Variants in CTIF observed in about 807,000 individuals in gnomAD.
The protein encoded by CTIF is cap binding complex dependent translation initiation factor.
Under a neutral mutation model 66.0 loss-of-function variants are expected in CTIF, and 21 were observed. That is an observed-to-expected ratio of 0.32 (90% CI 0.23 to 0.46). The LOEUF (loss-of-function observed/expected upper bound fraction) is 0.46. CTIF is among the 20% of genes least tolerant of loss of function. The pLI, the probability that CTIF is intolerant of heterozygous loss-of-function variation, is 1.00. For missense variants in CTIF, 739 were observed against 812.7 expected (o/e 0.91, Z 1.10); for synonymous variants, 345 against 326.4 (o/e 1.06, Z -0.62).
In CTIF at chr18:48,860,705, T is replaced by A. The variant is rs1311329540; in HGVS notation, c.*1146T>A. The A allele has an allele frequency of 6.6e-6, 1 of 152,270 alleles. No homozygotes were observed. Among genetic ancestry groups the A allele is most frequent in the African/African-American group, 2.4e-5 (1 of 41,450 alleles). The allele number at this position is 152,270 out of a possible 1,614,324, so 9.4% of individuals were successfully genotyped here. On this transcript the variant is annotated 3_prime_UTR_variant, in exon 12 of 12. Transcript: ENST00000256413. ...GGGCTCCCCAGGACTCGATTTTAGC[T>A]AATGCGCTGTGTCACTGCCCCAGCT...
chr18:48,575,058 C>T (rs955760395), intron 1 of CTIF, among the ~76,000 whole-genome samples: 2 of 152,198 alleles, frequency 1.3e-5, no homozygotes, highest in Non-Finnish European at 2.9e-5. Flanking sequence ...CAGTTCCAGA[C>T]ACAGGGAGCC....
In CTIF at chr18:48,603,435, G is replaced by C. The variant is rs199960387; in HGVS notation, c.-28-16103G>C. ...GATTGATGGATGGATGGCTAGATGG[G>C]TGGATGAATGGATGGATAGGTGAGT... On this transcript the variant is annotated intron_variant, in intron 1 of 11. Transcript: ENST00000256413. 7.3e-5 allele frequency among the ~76,000 whole-genome samples: 9 copies of C among 122,704 alleles called. No individual in the cohort carries two copies. In the East Asian group the frequency reaches 2.2e-3, roughly 30 times the overall value. The allele number at this position is 122,704 out of a possible 152,430, so 80.5% of individuals were successfully genotyped here.
chr18:48,730,460 C>CACGGTGTGTGGG (rs1568171554), intron 7 of CTIF, among the ~76,000 whole-genome samples: 2 of 100,444 alleles, frequency 2.0e-5, no homozygotes, highest in Non-Finnish European at 4.3e-5. Flanking sequence ...GAGGGGCTTC[C>CACGGTGTGTGGG]GCGGTGTGAG....
chr18:48,593,449 C>T (rs1205716138), intron 1 of CTIF, among the ~76,000 whole-genome samples: 4 of 150,616 alleles, frequency 2.7e-5, no homozygotes, highest in South Asian at 2.1e-4. Flanking sequence ...GGCGCGATCT[C>T]GGCTCACTGC....
intron 3 of CTIF, among the ~76,000 whole-genome samples, chr18:48,647,115 T>C (rs937315465): frequency 2.0e-5 from 3 of 152,186 alleles, no homozygotes; most frequent in Non-Finnish European, 4.4e-5. Flanking sequence ...CACTCAGCAA[T>C]GAGAAGGAAT....
chr18:48,776,488 C>T (rs1343188462), intron 9 of CTIF, among the ~76,000 whole-genome samples: 1 of 152,264 alleles, frequency 6.6e-6, no homozygotes, highest in East Asian at 1.9e-4. Context: ...GCAGAAGCCC[C>T]TTTTCCTCCC....
chr18:48,607,755 T>A (rs1350266245), intron 1 of CTIF, among the ~76,000 whole-genome samples: 1 of 152,186 alleles, frequency 6.6e-6, no homozygotes, highest in Non-Finnish European at 1.5e-5. Context: ...CTTGAGACAC[T>A]GAGCAGGAGC....
intron 1 of CTIF, among the ~76,000 whole-genome samples, chr18:48,557,341 T>G (rs2089047090): frequency 6.6e-6 from 1 of 152,120 alleles, no homozygotes; most frequent in African/African-American, 2.4e-5. Context: ...GCCAGAGCTT[T>G]TGGATGAGGG....
chr18:48,772,857 G>A (rs1415987821), intron 9 of CTIF, among the ~76,000 whole-genome samples: 1 of 152,212 alleles, frequency 6.6e-6, no homozygotes, highest in Non-Finnish European at 1.5e-5. Flanking sequence ...ACCTAGAAGT[G>A]GAATTGCTGG....
At chr18:48,710,832 C>T (rs1395974436) in intron 6 of CTIF, among the ~76,000 whole-genome samples, 3 of 152,042 alleles carry the variant, frequency 2.0e-5, no homozygotes, top group Non-Finnish European at 2.9e-5. Context: ...ACAAGCCAGG[C>T]GTGGTGATGT....
At chr18:48,641,538 C>T (rs1421855331) in intron 3 of CTIF, among the ~76,000 whole-genome samples, 1 of 152,184 alleles carries the variant, frequency 6.6e-6, no homozygotes, top group East Asian at 1.9e-4. Context: ...TCCCAACATT[C>T]CCTGGAATAA....
At chr18:48,763,275 G>A (rs967434741) in intron 9 of CTIF, among the ~76,000 whole-genome samples, 1 of 152,234 alleles carries the variant, frequency 6.6e-6, no homozygotes, top group African/African-American at 2.4e-5. Flanking sequence ...TGGCAGACAG[G>A]CACCCAGGGC....
intron 7 of CTIF, among the ~76,000 whole-genome samples, chr18:48,726,298 G>A (rs1312603882): frequency 6.6e-6 from 1 of 152,130 alleles, no homozygotes; most frequent in Non-Finnish European, 1.5e-5. Context: ...GTTTGTATTG[G>A]GGTTATCTAT....
Position 48,846,525 on chromosome 18 carries a change from G to A in CTIF, c.1528-11063G>A, listed in dbSNP as rs138390173. On this transcript the variant is annotated intron_variant, in intron 10 of 11. Transcript: ENST00000256413. The stretch of plus-strand genomic sequence containing the variant: ...TGGATGGATGGATGGATGGATGGAT[G>A]GATGGATGGATGGATAGGTGAATAG... Among the ~76,000 whole-genome samples, 376 of 150,796 alleles carry A rather than the reference G, an allele frequency of 2.5e-3. 3 individuals carry two copies. Among genetic ancestry groups the A allele is most frequent in the African/African-American group, 8.4e-3 (342 of 40,742 alleles).
At chr18:48,664,695 G>A in intron 5 of CTIF, 144 bp downstream of exon 5, 2 of 660,092 alleles carry the variant, frequency 3.0e-6, no homozygotes, top group South Asian at 3.7e-5. Context: ...TCCCAGAGCT[G>A]CAGGCTCACT....
intron 1 of CTIF, among the ~76,000 whole-genome samples, chr18:48,601,914 C>G (rs906482722): frequency 2.6e-5 from 4 of 152,204 alleles, no homozygotes; most frequent in African/African-American, 7.2e-5. Context: ...CATATCATAG[C>G]TCTGTGGGTA....
chr18:48,744,388 C>T lies in CTIF; in HGVS notation c.585-13531C>T, dbSNP rs528176941. Among the ~76,000 whole-genome samples, 4 of 152,198 alleles carry T rather than the reference C, an allele frequency of 2.6e-5. No individual in the cohort carries two copies. The South Asian group carries it at 8.3e-4, about 32-fold the overall frequency. The stretch of plus-strand genomic sequence containing the variant: ...AGATTGGCATTTCTTCTCGAATGGC[C>T]TCTTCCCTCCTCCCTTTTAACTAAA... On this transcript the variant is annotated intron_variant, in intron 7 of 11. Coordinates refer to ENST00000256413, the MANE Select transcript of CTIF (RefSeq NM_014772.3).
At chr18:48,690,143 T>A (rs1007910432) in intron 6 of CTIF, among the ~76,000 whole-genome samples, 2 of 152,114 alleles carry the variant, frequency 1.3e-5, no homozygotes, top group African/African-American at 4.8e-5. Flanking sequence ...TAGGTGACAC[T>A]CTCTCCCCCA....
chr18:48,817,665 A>G (rs183663219), intron 10 of CTIF, among the ~76,000 whole-genome samples: 105 of 151,870 alleles, frequency 6.9e-4, no homozygotes, highest in African/African-American at 2.4e-3. Context: ...AATCCCAGCT[A>G]CTCGGGAGGC....
Sources: allele counts gnomAD v4.1 joint callset (sites outside exome capture counted in the v4.1 genomes callset), GRCh38; gene constraint gnomAD v4.1.1; transcripts MANE v1.5; gene names NCBI Gene and HGNC (gene_info 2026-07-23, HGNC 2026-07-21).